Variants in UBE2R2 observed in about 807,000 individuals in gnomAD.
UBE2R2 encodes ubiquitin-conjugating enzyme E2 R2.
A neutral mutation model predicts 27.8 loss-of-function variants in UBE2R2; 1 was observed. The ratio of observed to expected loss-of-function variants is 0.04; its 90% CI spans 0.01 to 0.17. UBE2R2 has a LOEUF of 0.17. Among genes scored for constraint, UBE2R2 ranks in the 10% least tolerant of loss-of-function variants. The pLI, the probability that UBE2R2 is intolerant of heterozygous loss-of-function variation, is 1.00. For synonymous variants in UBE2R2, 106 were observed against 113.3 expected (o/e 0.94, Z 0.41); for missense variants, 100 against 291.0 (o/e 0.34, Z 4.78).
intron 1 of UBE2R2, among the ~76,000 whole-genome samples, chr9:33,861,288 C>T (rs1027322629): frequency 4.0e-5 from 6 of 149,774 alleles, no homozygotes. Context: ...AAAAAGCAGG[C>T]CGGGGTTGGT....
intron 1 of UBE2R2, among the ~76,000 whole-genome samples, chr9:33,838,279 G>T (rs1161830762): frequency 5.8e-5 from 8 of 137,142 alleles, no homozygotes; most frequent in African/African-American, 8.1e-5. Flanking sequence ...TTTTTTTCTT[G>T]TTTTTTTTTC....
chr9:33,824,131 C>A (rs1386343540), intron 1 of UBE2R2, among the ~76,000 whole-genome samples: 1 of 152,154 alleles, frequency 6.6e-6, no homozygotes, highest in African/African-American at 2.4e-5. Flanking sequence ...ATAGAATATG[C>A]TTTTATCCTG....
chr9:33,834,325 C>G (rs997014912), intron 1 of UBE2R2, among the ~76,000 whole-genome samples: 12 of 151,886 alleles, frequency 7.9e-5, no homozygotes, highest in Non-Finnish European at 7.4e-5. Flanking sequence ...CTCAGCCTCC[C>G]AAGTAGCTGT....
At chr9:33,880,996 A>T (rs553825524) in intron 1 of UBE2R2, among the ~76,000 whole-genome samples, 85 of 152,342 alleles carry the variant, frequency 5.6e-4, no homozygotes, top group African/African-American at 2.0e-3. Context: ...CTGCTGCTTT[A>T]GACTGTTGAG....
chr9:33,913,365 C>A (rs1822538543), intron 4 of UBE2R2, among the ~76,000 whole-genome samples: 1 of 152,072 alleles, frequency 6.6e-6, no homozygotes, highest in Non-Finnish European at 1.5e-5. Context: ...CTCAGGCAGT[C>A]CTCCCACCTG....
At chr9:33,908,998 C>T (rs539813934) in intron 3 of UBE2R2, among the ~76,000 whole-genome samples, 23 of 115,720 alleles carry the variant, frequency 2.0e-4, no homozygotes, top group Non-Finnish European at 3.7e-4. Flanking sequence ...CATAGTGAGA[C>T]CCTGTCTTTA....
intron 1 of UBE2R2, among the ~76,000 whole-genome samples, chr9:33,839,625 G>A (rs1279090246): frequency 3.3e-5 from 5 of 152,192 alleles, no homozygotes; most frequent in African/African-American, 4.8e-5. Context: ...CATCGTATAT[G>A]AAGAATGGGC....
intron 1 of UBE2R2, among the ~76,000 whole-genome samples, chr9:33,874,802 A>G (rs965984966): frequency 6.6e-6 from 1 of 152,064 alleles, no homozygotes; most frequent in African/African-American, 2.4e-5. Flanking sequence ...AGCCAGGACT[A>G]CAAGTGCACA....
At chr9:33,904,072 T>C (rs1324513332) in intron 3 of UBE2R2, among the ~76,000 whole-genome samples, 1 of 152,208 alleles carries the variant, frequency 6.6e-6, no homozygotes, top group African/African-American at 2.4e-5. Context: ...CTGGTGGTGC[T>C]CAGAACTCTG....
At chr9:33,885,779 A>T (rs555552484) in intron 1 of UBE2R2, among the ~76,000 whole-genome samples, 163 of 152,304 alleles carry the variant, frequency 1.1e-3, no homozygotes, top group Admixed American at 1.8e-3. Context: ...AATTCTGAAA[A>T]TGATGCTTAT....
At chr9:33,818,053 C>T (rs1290009942) in intron 1 of UBE2R2, 119 bp downstream of exon 1, 3 of 1,142,094 alleles carry the variant, frequency 2.6e-6, no homozygotes, top group East Asian at 6.2e-5. Flanking sequence ...GGCTTCTCAC[C>T]CGTGCAGCCC....
At chr9:33,877,823 G>GTCTGTCTGTCTGTCTGTC in intron 1 of UBE2R2, among the ~76,000 whole-genome samples, 2 of 131,100 alleles carry the variant, frequency 1.5e-5, no homozygotes, top group African/African-American at 6.6e-5. Context: ...CTGTCTGTCT[G>GTCTGTCTGTCTGTCTGTC]TCTCTCTCTC....
chr9:33,864,932 C>T (rs1315264644), intron 1 of UBE2R2, among the ~76,000 whole-genome samples: 2 of 152,086 alleles, frequency 1.3e-5, no homozygotes, highest in Non-Finnish European at 2.9e-5. Flanking sequence ...GCTGTGTTGG[C>T]TGGCTGGTCT....
rs1326751907 is a variant in UBE2R2, at chr9:33,817,754, C to G, written c.-4C>G. 6.5e-7 allele frequency: 1 copy of G among 1,536,134 alleles called. No individual in the cohort carries two copies. Among genetic ancestry groups the G allele is most frequent in the South Asian group, 1.2e-5 (1 of 84,248 alleles). On this transcript the variant is annotated 5_prime_UTR_variant, in exon 1 of 5. Coordinates refer to ENST00000263228, the MANE Select transcript of UBE2R2 (RefSeq NM_017811.4). ...CCGGCGCCGCCGCCGCCGCCGCCGC[C>G]GCGATGGCCCAGCAGCAGATGACCA...
At position 33,817,263 on chromosome 9, in the gene UBE2R2, C is replaced by T. The variant is rs1267758779; in HGVS notation, c.-495C>T. Among the ~76,000 whole-genome samples, 4 of 145,840 alleles carry T rather than the reference C, an allele frequency of 2.7e-5. No homozygotes were observed. Among genetic ancestry groups the T allele is most frequent in the Admixed American group, 6.7e-5 (1 of 14,880 alleles). ...AGCCCCCGCCGCCACCGCCGCGAGA[C>T]CCCCGCACGCCGCTCTCCCCCCACC... On this transcript the variant is annotated 5_prime_UTR_variant, in exon 1 of 5. Transcript: ENST00000263228.
At chr9:33,847,734 G>C (rs986988102) in intron 1 of UBE2R2, among the ~76,000 whole-genome samples, 9 of 148,364 alleles carry the variant, frequency 6.1e-5, no homozygotes, top group Non-Finnish European at 1.2e-4. Context: ...CTTCAGTTTG[G>C]ATTTGACCTG....
intron 1 of UBE2R2, among the ~76,000 whole-genome samples, chr9:33,819,734 A>G (rs559993671): frequency 3.8e-4 from 58 of 151,990 alleles, no homozygotes; most frequent in African/African-American, 1.4e-3. Context: ...CGCCTCCCAG[A>G]TTCAAGCTAT....
intron 1 of UBE2R2, among the ~76,000 whole-genome samples, chr9:33,840,998 C>A (rs1820721750): frequency 6.6e-6 from 1 of 152,082 alleles, no homozygotes; most frequent in African/African-American, 2.4e-5. Context: ...CATCGCAACT[C>A]ACTGCAACCT....
chr9:33,860,430 A>G (rs1821203616), intron 1 of UBE2R2, among the ~76,000 whole-genome samples: 1 of 152,118 alleles, frequency 6.6e-6, no homozygotes, highest in South Asian at 2.1e-4. Flanking sequence ...CTGTGTAAAA[A>G]CATTGCTGTC....
Sources: gnomAD v4.1 joint callset for allele counts (sites outside exome capture counted in the v4.1 genomes callset) on GRCh38, gnomAD v4.1.1 for gene constraint, MANE v1.5 for transcripts, NCBI Gene and HGNC (gene_info 2026-07-23, HGNC 2026-07-21) for gene names.